The following RORA variants were observed in gnomAD, a reference collection of about 807,000 sequenced individuals.
RORA encodes nuclear receptor ROR-alpha.
In RORA, 7 loss-of-function variants were observed where a neutral mutation model predicts 69.5. That is an observed-to-expected ratio of 0.10 (90% CI 0.06 to 0.19). The LOEUF (loss-of-function observed/expected upper bound fraction) is 0.19, where lower values mean the gene tolerates loss of function less well. Among genes scored for constraint, RORA ranks in the 10% least tolerant of loss-of-function variants. The probability of loss-of-function intolerance (pLI) is 1.00; values close to 1 mark genes in which losing one functional copy is unlikely to be tolerated. For missense variants in RORA, 457 were observed against 663.0 expected (o/e 0.69, Z 3.41); for synonymous variants, 261 against 240.8 (o/e 1.08, Z -0.78).
intron 1 of RORA, among the ~76,000 whole-genome samples, chr15:60,793,321 T>C (rs935706937): frequency 1.3e-5 from 2 of 152,206 alleles, no homozygotes; most frequent in African/African-American, 4.8e-5. Flanking sequence ...CAAGAACTAA[T>C]AAGGCTTAGA....
rs148597846 is a variant in RORA at position 61,083,730 on chromosome 15, C to T, written c.166+145323G>A. Among the ~76,000 whole-genome samples the T allele has an allele frequency of 9.2e-5, 14 of 152,000 alleles. No homozygotes were observed. The East Asian group carries it at 9.8e-4, about 11-fold the overall frequency. ...ACTTCTCCAAGCACCTTCTCCCTTACGGAAAATTGCTCTTCCCAGAAAAAA... is the reference window on the plus strand; with the variant it reads ...ACTTCTCCAAGCACCTTCTCCCTTATGGAAAATTGCTCTTCCCAGAAAAAA... On this transcript the variant is annotated intron_variant, in intron 1 of 10. Transcript: ENST00000335670.
chr15:61,075,755 TC>T lies in RORA; in HGVS notation c.166+153297del, dbSNP rs145386011. On this transcript the variant is annotated intron_variant, in intron 1 of 10. Coordinates refer to ENST00000335670, the MANE Select transcript of RORA (RefSeq NM_134261.3). The stretch of plus-strand genomic sequence containing the variant: ...CCAAGTCTTCCATGTCTAAACCTCC[TC>T]GCGTTATACCACAGCTGCTTAGATT... Among the ~76,000 whole-genome samples, 421 of 152,308 alleles carry T rather than the reference TC, an allele frequency of 2.8e-3. 2 individuals are homozygous for T. The highest frequency in any genetic ancestry group is 9.7e-3 in the African/African-American group (401 of 41,554).
chr15:61,027,805 A>G (rs1895909649), intron 1 of RORA, among the ~76,000 whole-genome samples: 1 of 152,150 alleles, frequency 6.6e-6, no homozygotes, highest in Non-Finnish European at 1.5e-5. Flanking sequence ...GCCAAATTAC[A>G]TTTTCTCTCA....
chr15:60,895,209 A>G (rs16943294), intron 1 of RORA, among the ~76,000 whole-genome samples: 2,963 of 152,330 alleles, frequency 0.019, 93 homozygotes, highest in African/African-American at 0.068. Flanking sequence ...CCCGGAGGCA[A>G]GAAAGCGAAC....
intron 1 of RORA, among the ~76,000 whole-genome samples, chr15:61,060,880 A>G (rs989357593): frequency 6.6e-6 from 1 of 152,206 alleles, no homozygotes; most frequent in African/African-American, 2.4e-5. Context: ...GTTTTAAGAA[A>G]GTTTACGAAT....
chr15:60,998,945 G>C (rs1171369534), intron 1 of RORA, among the ~76,000 whole-genome samples: 1 of 152,162 alleles, frequency 6.6e-6, no homozygotes, highest in Non-Finnish European at 1.5e-5. Flanking sequence ...GTGACAGGGA[G>C]GTCTGTCTCT....
At chr15:60,703,656 A>G (rs1407782977) in intron 1 of RORA, among the ~76,000 whole-genome samples, 6 of 152,066 alleles carry the variant, frequency 3.9e-5, no homozygotes. Flanking sequence ...CCACCCTAAC[A>G]TTTTCTCTGG....
chr15:61,208,160 T>C (rs2079958879), intron 1 of RORA, among the ~76,000 whole-genome samples: 1 of 152,214 alleles, frequency 6.6e-6, no homozygotes, highest in African/African-American at 2.4e-5. Flanking sequence ...AAGGAGTCTA[T>C]CAGTTGATGA....
At chr15:60,862,240 T>G (rs1305067160) in intron 1 of RORA, among the ~76,000 whole-genome samples, 2 of 152,238 alleles carry the variant, frequency 1.3e-5, no homozygotes, top group African/African-American at 4.8e-5. Flanking sequence ...CAAGGTTACC[T>G]CTTACAGGTA....
At chr15:60,843,540 A>G (rs1301832436) in intron 1 of RORA, among the ~76,000 whole-genome samples, 1 of 152,164 alleles carries the variant, frequency 6.6e-6, no homozygotes, top group African/African-American at 2.4e-5. Context: ...TACACGTGTC[A>G]TGGTCAAATG....
At chr15:60,896,244 T>C (rs1432116781) in intron 1 of RORA, among the ~76,000 whole-genome samples, 4 of 152,240 alleles carry the variant, frequency 2.6e-5, no homozygotes, top group Non-Finnish European at 5.9e-5. Flanking sequence ...GGTCACACTC[T>C]TCTTTGTCTG....
chr15:61,115,542 T>C (rs150549623), intron 1 of RORA, among the ~76,000 whole-genome samples: 2 of 152,290 alleles, frequency 1.3e-5, no homozygotes, highest in East Asian at 3.9e-4. Context: ...GGTTTCTCTT[T>C]ATTAGAGAGA....
intron 1 of RORA, among the ~76,000 whole-genome samples, chr15:60,853,148 A>G (rs983341051): frequency 5.3e-5 from 8 of 152,314 alleles, no homozygotes; most frequent in Middle Eastern, 3.4e-3. Flanking sequence ...CACGCTTCCA[A>G]TTAAAAATAC....
intron 1 of RORA, among the ~76,000 whole-genome samples, chr15:60,910,953 G>C (rs535461925): frequency 1.2e-3 from 169 of 142,780 alleles, no homozygotes; most frequent in Non-Finnish European, 1.9e-3. Context: ...GCCCAAGCTA[G>C]AGTGCAATGG....
At chr15:61,090,427 A>G (rs2078688808) in intron 1 of RORA, among the ~76,000 whole-genome samples, 2 of 152,198 alleles carry the variant, frequency 1.3e-5, no homozygotes, top group Non-Finnish European at 2.9e-5. Context: ...GAAATACCCC[A>G]GCCTCTATTG....
chr15:60,861,146 A>G (rs2073432402), intron 1 of RORA, among the ~76,000 whole-genome samples: 1 of 152,206 alleles, frequency 6.6e-6, no homozygotes, highest in Non-Finnish European at 1.5e-5. Context: ...TCATGATGAT[A>G]TATCCTTATT....
chr15:61,044,819 A>G (rs1489507625), intron 1 of RORA, among the ~76,000 whole-genome samples: 1 of 152,218 alleles, frequency 6.6e-6, no homozygotes, highest in Non-Finnish European at 1.5e-5. Context: ...ACTGAATCAT[A>G]ATCTGCATTT....
chr15:61,037,549 T>TG (rs1171800547), intron 1 of RORA, among the ~76,000 whole-genome samples: 1 of 152,218 alleles, frequency 6.6e-6, no homozygotes, highest in African/African-American at 2.4e-5. Flanking sequence ...GCACGCACTC[T>TG]GCTGCCTCAC....
rs866987813 is a variant in RORA, at chr15:60,577,395, G to C, written c.197-45544C>G. ...GTGGTGGCTCACGCCTGTAATCCCA[G>C]TACTTTGGGAGTCTGAGACAGGCGG... On this transcript the variant is annotated intron_variant, in intron 2 of 10. Coordinates refer to ENST00000335670, the MANE Select transcript of RORA (RefSeq NM_134261.3). Among the ~76,000 whole-genome samples, 3 of 152,286 alleles carry C rather than the reference G, an allele frequency of 2.0e-5. No individual in the cohort carries two copies. The South Asian group carries it at 6.2e-4, about 32-fold the overall frequency.
Sources: gnomAD v4.1 joint callset for allele counts (sites outside exome capture counted in the v4.1 genomes callset) on GRCh38, gnomAD v4.1.1 for gene constraint, MANE v1.5 for transcripts, NCBI Gene and HGNC (gene_info 2026-07-23, HGNC 2026-07-21) for gene names.